The following FCN2 variants were observed in gnomAD, a reference collection of about 807,000 sequenced individuals.
The protein encoded by FCN2 is ficolin-2.
In FCN2, 31 loss-of-function variants were observed where a neutral mutation model predicts 32.5. The ratio of observed to expected loss-of-function variants is 0.96; its 90% confidence interval spans 0.72 to 1.29. The LOEUF (loss-of-function observed/expected upper bound fraction) is 1.29, where lower values mean the gene tolerates loss of function less well. Ranked by LOEUF, FCN2 falls within the 50% of genes most tolerant of loss-of-function variation. The pLI is 0.00. For missense variants in FCN2, 412 were observed against 406.5 expected, an observed-to-expected ratio of 1.01 and a Z score of -0.12; for synonymous variants, 181 against 164.5, an observed-to-expected ratio of 1.10 and a Z score of -0.77.
chr9:134,886,311 C>T lies in FCN2; in HGVS notation c.560-119C>T, dbSNP rs886643847. On this transcript the variant is annotated intron_variant, in intron 6 of 7. Coordinates refer to ENST00000291744, the MANE Select transcript of FCN2 (RefSeq NM_004108.3). ...CAGGCCCCGGGGATGCTGCGGTGCT[C>T]TCCGCCCTCTGCCTCCATGGAGTCC... 53 of 1,226,564 alleles carry T rather than the reference C, an allele frequency of 4.3e-5. No homozygotes were observed. The Middle Eastern group carries it at 2.6e-3, about 60-fold the overall frequency. The allele number at this position is 1,226,564 out of a possible 1,614,324, so 76.0% of individuals were successfully genotyped here.
chr9:134,868,710 G>C, the FCN2 span, among the ~76,000 whole-genome samples: 1 of 152,326 alleles, frequency 6.6e-6, no homozygotes. This position sits in a 1 kb window ranked among gnomAD's most constrained non-coding sequence, Gnocchi z 4.3. Flanking sequence ...CCTCACCGCA[G>C]CCATCAGTGC....
At position 134,885,873 on chromosome 9, in the gene FCN2, A is replaced by G. The variant is rs757835247; in HGVS notation, c.535A>G (p.Asn179Asp). ...RLGEFWLGND[N>D]IHALTAQGTS... ...GGGGGAGTTCTGGCTGGGGAATGAC[A>G]ACATCCACGCCCTGACCGCCCAGGG... Residue 179 changes from asparagine (N) to aspartate (D), a missense_variant, in exon 6 of 8, where the codon AAC (asparagine) becomes GAC (aspartate). Asn to Asp is a conservative substitution (Grantham distance 23). Transcript: ENST00000291744. 1.9e-5 allele frequency: 31 copies of G among 1,613,526 alleles called. No homozygotes were observed. The South Asian group carries it at 3.4e-4, about 18-fold the overall frequency.
chr9:134,865,288 C>G, the FCN2 span, among the ~76,000 whole-genome samples: 1 of 152,182 alleles, frequency 6.6e-6, no homozygotes, highest in African/African-American at 2.4e-5. Context: ...GAGGCTCTGG[C>G]CCCCCTGCAT....
intron 3 of FCN2, 46 bp from the exon 4 acceptor site, chr9:134,884,694 T>C (rs1468249894): frequency 1.2e-6 from 2 of 1,603,764 alleles, no homozygotes; most frequent in Non-Finnish European, 1.7e-6. Context: ...TGAAGGGCTC[T>C]GATTTCCAAA....
At chr9:134,870,910 A>G in the FCN2 span, among the ~76,000 whole-genome samples, 2 of 151,988 alleles carry the variant, frequency 1.3e-5, no homozygotes, top group Admixed American at 6.5e-5. This position sits in a 1 kb window ranked among gnomAD's most constrained non-coding sequence, Gnocchi z 4.3. Flanking sequence ...GTCTCCCCCA[A>G]CACCAGCACT....
At chr9:134,881,661 C>T (rs377003923) in intron 1 of FCN2, among the ~76,000 whole-genome samples, 2 of 152,250 alleles carry the variant, frequency 1.3e-5, no homozygotes, top group African/African-American at 4.8e-5. Flanking sequence ...ATGTGAGACA[C>T]AGAGCTCTGC....
At position 134,882,616 on chromosome 9, in the gene FCN2, A is replaced by G; in HGVS notation, c.191A>G (p.Glu64Gly). Reference sequence around the variant, plus strand: ...CCTGGGGCCCCTGGGCCCAAGGGAGAGGCAGGCACCAATGGAAAGAGAGGT... The same window carrying G: ...CCTGGGGCCCCTGGGCCCAAGGGAGGGGCAGGCACCAATGGAAAGAGAGGT... ...GLPGAPGPKG[E>G]AGTNGKRGER... is the part of the protein sequence containing the mutation. Residue 64 changes from glutamate to glycine, a missense_variant, in exon 2 of 8, where the codon GAG becomes GGG. Physicochemically the swap from Glu to Gly is moderately conservative, Grantham distance 98. Transcript: ENST00000291744. 1 of 1,613,490 alleles carries G rather than the reference A, an allele frequency of 6.2e-7. No homozygotes were observed. Among genetic ancestry groups the G allele is most frequent in the Non-Finnish European group, 8.5e-7 (1 of 1,179,562 alleles).
rs776800798 is a variant in FCN2, at chr9:134,887,325, T to C, written c.852T>C (p.His284=). 9.9e-6 allele frequency: 16 copies of C among 1,614,036 alleles called. No individual in the cohort carries two copies. The South Asian group carries it at 1.6e-4, about 17-fold the overall frequency. ...NLNGRYLRGT[H]GSFANGINWK... ...ATGGTCGCTACCTCAGGGGGACTCA[T>C]GGCAGCTTTGCAAATGGCATCAACT... The change falls in exon 8 of 8, where the codon CAT becomes CAC. Residue 284 remains histidine, a synonymous_variant. Transcript: ENST00000291744.
chr9:134,873,793 G>A, the FCN2 span, among the ~76,000 whole-genome samples: 3 of 152,166 alleles, frequency 2.0e-5, no homozygotes, highest in Non-Finnish European at 4.4e-5. Context: ...TAATAAAACA[G>A]AGCTGCTGGG....
At chr9:134,871,283 G>A in the FCN2 span, among the ~76,000 whole-genome samples, 2 of 152,154 alleles carry the variant, frequency 1.3e-5, no homozygotes, top group Admixed American at 6.5e-5. Context: ...TGTGGTTTTC[G>A]GGGCCTGTGG....
intron 6 of FCN2, among the ~76,000 whole-genome samples, 160 bp downstream of exon 6, chr9:134,886,057 T>G (rs1318151650): frequency 1.3e-5 from 2 of 152,168 alleles, no homozygotes; most frequent in Non-Finnish European, 2.9e-5. Context: ...GCTTCGTCCC[T>G]GCTGCAGGCT....
chr9:134,886,624 A>G, intron 7 of FCN2, 60 bp downstream of exon 7: 1 of 1,597,296 alleles, frequency 6.3e-7, no homozygotes, highest in South Asian at 1.1e-5. Context: ...GGAAGTGGAG[A>G]GAGCGTGCTC....
At chr9:134,872,047 C>T in the FCN2 span, among the ~76,000 whole-genome samples, 7 of 151,900 alleles carry the variant, frequency 4.6e-5, no homozygotes, top group African/African-American at 1.7e-4. Context: ...CCTATCCACT[C>T]TCTGCTGCCT....
chr9:134,870,160 C>G, the FCN2 span, among the ~76,000 whole-genome samples: 2 of 152,194 alleles, frequency 1.3e-5, no homozygotes, highest in Non-Finnish European at 2.9e-5. The surrounding 1 kb of genome is among the most constrained non-coding windows in gnomAD (Gnocchi z 4.3). Flanking sequence ...GCAAACCCCC[C>G]TCTGTGGGAC....
rs761592293 is a variant in FCN2 at position 134,884,734 on chromosome 9, G to T, written c.269-6G>T. ...GACACGTGTGTCCTCTCTCATCCAT[G>T]AACAGGAGCACCTGGGGAGCCCCAG... On this transcript the variant is annotated splice_polypyrimidine_tract_variant and splice_region_variant and intron_variant, in intron 3 of 7. Transcript: ENST00000291744. The T allele has an allele frequency of 6.2e-7, 1 of 1,613,902 alleles. No individual in the cohort carries two copies. The highest frequency in any genetic ancestry group is 8.5e-7 in the Non-Finnish European group (1 of 1,179,886).
chr9:134,869,466 C>A, the FCN2 span, among the ~76,000 whole-genome samples: 1 of 152,208 alleles, frequency 6.6e-6, no homozygotes, highest in Non-Finnish European at 1.5e-5. Context: ...TGAGCCCAGA[C>A]CCCGCAGAGG....
the FCN2 span, chr9:134,868,114 C>T: frequency 6.6e-6 from 1 of 152,292 alleles, no homozygotes; most frequent in African/African-American, 2.4e-5. This position sits in a 1 kb window ranked among gnomAD's most constrained non-coding sequence, Gnocchi z 4.3. Context: ...CTCTGCCCCT[C>T]ATCACCTCTC....
At chr9:134,881,936 C>T (rs1830669736) in intron 1 of FCN2, among the ~76,000 whole-genome samples, 1 of 152,192 alleles carries the variant, frequency 6.6e-6, no homozygotes, top group Admixed American at 6.5e-5. Context: ...AGTTTCGCAC[C>T]AACTTGTTCA....
At chr9:134,882,007 A>G (rs1830670860) in intron 1 of FCN2, among the ~76,000 whole-genome samples, 1 of 152,088 alleles carries the variant, frequency 6.6e-6, no homozygotes, top group African/African-American at 2.4e-5. Flanking sequence ...GAGCCCATCC[A>G]CTCTCAGATC....
Sources: allele counts gnomAD v4.1 joint callset (sites outside exome capture counted in the v4.1 genomes callset), GRCh38; gene constraint gnomAD v4.1.1; non-coding constraint Gnocchi (gnomAD v3.1); transcripts MANE v1.5; gene names NCBI Gene and HGNC (gene_info 2026-07-23, HGNC 2026-07-21).